The following COL21A1 variants were observed in gnomAD, a reference collection of about 807,000 sequenced individuals.
The protein encoded by COL21A1 is collagen type XXI alpha 1 chain, also known as collagen alpha-1(XXI) chain.
In COL21A1, 149 loss-of-function variants were observed where a neutral mutation model predicts 137.9. The observed-to-expected ratio is 1.08, with a 90% CI of 0.95 to 1.24. The LOEUF is 1.24. Ranked by LOEUF, COL21A1 falls within the 50% of genes most tolerant of loss-of-function variation. The pLI is 0.00. For missense variants in COL21A1, 1,167 were observed against 1,158.4 expected, an observed-to-expected ratio of 1.01 and a Z score of -0.11; for synonymous variants, 456 against 391.5, an observed-to-expected ratio of 1.16 and a Z score of -1.95.
At chr6:56,358,065 T>C (rs1351838002) in intron 1 of COL21A1, among the ~76,000 whole-genome samples, 1 of 152,206 alleles carries the variant, frequency 6.6e-6, no homozygotes, top group African/African-American at 2.4e-5. Context: ...TTTCAATATA[T>C]ATACAATGAC....
chr6:56,290,674 G>A (rs1305892560), intron 1 of COL21A1, among the ~76,000 whole-genome samples: 4 of 151,806 alleles, frequency 2.6e-5, no homozygotes, highest in Admixed American at 6.6e-5. Context: ...TAATTTTTTT[G>A]TATTTTTAGT....
chr6:56,168,770 C>A (rs1343633734), intron 5 of COL21A1, among the ~76,000 whole-genome samples: 1 of 151,936 alleles, frequency 6.6e-6, no homozygotes, highest in African/African-American at 2.4e-5. Context: ...CCTCAACCTA[C>A]CCTTTAATGA....
At chr6:56,132,952 C>A (rs943023235) in intron 12 of COL21A1, among the ~76,000 whole-genome samples, 2 of 152,188 alleles carry the variant, frequency 1.3e-5, no homozygotes, top group Non-Finnish European at 2.9e-5. Context: ...AACTGTCAGT[C>A]CATTAAACCT....
rs564924516 is a variant in COL21A1, at chr6:56,240,523, T to C, written c.-39+6864A>G. ...CCTCAATAGGAATCTTAGGAATAAA[T>C]AAACTCTACATTTCTCAGTAGACCA... is the stretch of plus-strand genomic sequence containing the variant. On this transcript the variant is annotated intron_variant, in intron 1 of 29. Transcript: ENST00000244728. Among the ~76,000 whole-genome samples, 4 of 152,306 alleles carry C rather than the reference T, an allele frequency of 2.6e-5. No homozygotes were observed. The South Asian group carries it at 8.3e-4, about 32-fold the overall frequency.
chr6:56,084,217 A>AAAAT (rs373441290), intron 17 of COL21A1, among the ~76,000 whole-genome samples: 8,960 of 148,702 alleles, frequency 0.06, 323 homozygotes, highest in Admixed American at 0.098. Flanking sequence ...ATGCAGAAAA[A>AAAAT]ATATATATAT....
intron 1 of COL21A1, among the ~76,000 whole-genome samples, chr6:56,200,550 A>G (rs1055833469): frequency 6.9e-6 from 1 of 145,418 alleles, no homozygotes; most frequent in African/African-American, 2.6e-5. Context: ...GAGAACATGC[A>G]GTGTTTGGTT....
chr6:56,231,670 C>CA (rs573604104), intron 1 of COL21A1, among the ~76,000 whole-genome samples: 5 of 151,578 alleles, frequency 3.3e-5, no homozygotes, highest in Admixed American at 1.3e-4. Flanking sequence ...TTCTAAGCTG[C>CA]AAAAAAAGTC....
chr6:56,220,308 A>G (rs986884420), intron 1 of COL21A1, among the ~76,000 whole-genome samples: 12 of 152,250 alleles, frequency 7.9e-5, no homozygotes, highest in Middle Eastern at 3.4e-3. Context: ...AAGCAGAGAA[A>G]ATAGCCTGGG....
intron 1 of COL21A1, among the ~76,000 whole-genome samples, chr6:56,356,331 G>C (rs1468960074): frequency 6.6e-6 from 1 of 152,086 alleles, no homozygotes; most frequent in Admixed American, 6.6e-5. Flanking sequence ...TTCCTGGTTG[G>C]GGGCGGGGAC....
intron 1 of COL21A1, among the ~76,000 whole-genome samples, chr6:56,337,970 T>C (rs1263806964): frequency 6.3e-5 from 7 of 110,416 alleles, no homozygotes; most frequent in East Asian, 2.4e-4. Flanking sequence ...TCTTTTTTTT[T>C]TTTTTTTTTT....
In COL21A1 at chr6:56,170,839, GGAGGAAGACCTTCTGGGAAAACATTGCTA is replaced by G. The variant is rs749423770; in HGVS notation, c.810-3_835del. The G allele has an allele frequency of 1.7e-5, 27 of 1,610,332 alleles. No homozygotes were observed. In the Admixed American group the frequency reaches 4.5e-4, roughly 27 times the overall value. On this transcript the variant is annotated splice_acceptor_variant and splice_polypyrimidine_tract_variant and coding_sequence_variant and intron_variant, in exon 5 of 30. Coordinates refer to ENST00000244728, the MANE Select transcript of COL21A1 (RefSeq NM_030820.4). LOFTEE classifies it high-confidence loss of function. ...TTGAGTAGACACAAATACATATGATGGAGGAAGACCTTCTGGGAAAACATTGCTAGAAAAAGAAGAGCAAGTGTAAGCTT... is the reference window on the plus strand; with the variant it reads ...TTGAGTAGACACAAATACATATGATGGAAAAAGAAGAGCAAGTGTAAGCTT...
intron 17 of COL21A1, among the ~76,000 whole-genome samples, chr6:56,096,334 T>C (rs1227802018): frequency 6.6e-6 from 1 of 152,114 alleles, no homozygotes; most frequent in African/African-American, 2.4e-5. Flanking sequence ...ATCTTCATAT[T>C]CTCCTCAATT....
chr6:56,134,772 C>T (rs1457791220), intron 12 of COL21A1, among the ~76,000 whole-genome samples: 2 of 152,114 alleles, frequency 1.3e-5, no homozygotes, highest in South Asian at 4.1e-4. Context: ...TGGGAGTTTC[C>T]CTGCACAAGC....
chr6:56,257,257 T>G (rs913154357), intron 1 of COL21A1, among the ~76,000 whole-genome samples: 2 of 152,222 alleles, frequency 1.3e-5, no homozygotes, highest in African/African-American at 4.8e-5. Flanking sequence ...GGCAGGGTAC[T>G]ATGGAGCTTA....
rs200025606 is a variant in COL21A1 at position 56,076,464 on chromosome 6, A to AT, written c.1858-933dup. ...AACAGAATTTAGAATTAGATATGAGATTTTTTTAAATTAAAAAAACAGAAT... is the reference window on the plus strand; with the variant it reads ...AACAGAATTTAGAATTAGATATGAGATTTTTTTTAAATTAAAAAAACAGAAT... On this transcript the variant is annotated intron_variant, in intron 18 of 29. Coordinates refer to ENST00000244728, the MANE Select transcript of COL21A1 (RefSeq NM_030820.4). Among the ~76,000 whole-genome samples, 1,427 of 148,254 alleles carry AT rather than the reference A, an allele frequency of 9.6e-3. 87 individuals are homozygous for AT. Among genetic ancestry groups the AT allele is most frequent in the Admixed American group, 0.088 (1,283 of 14,584 alleles).
chr6:56,372,475 G>T (rs1488745667), intron 1 of COL21A1, among the ~76,000 whole-genome samples: 1 of 152,088 alleles, frequency 6.6e-6, no homozygotes, highest in East Asian at 1.9e-4. Context: ...GTATTGGCAG[G>T]GAGAACTCTG....
intron 1 of COL21A1, among the ~76,000 whole-genome samples, chr6:56,289,008 T>G (rs532413391): frequency 1.6e-4 from 25 of 152,304 alleles, no homozygotes; most frequent in Non-Finnish European, 2.9e-4. Context: ...AAAATTGCCA[T>G]ATTATTTAAA....
At chr6:56,323,297 CT>C (rs1221792775) in intron 1 of COL21A1, among the ~76,000 whole-genome samples, 1 of 152,050 alleles carries the variant, frequency 6.6e-6, no homozygotes, top group Non-Finnish European at 1.5e-5. Flanking sequence ...ATATTGTTTT[CT>C]TGAAAAATCA....
intron 10 of COL21A1, among the ~76,000 whole-genome samples, chr6:56,146,974 A>G (rs566063940): frequency 1.3e-5 from 2 of 152,282 alleles, no homozygotes; most frequent in South Asian, 4.1e-4. Flanking sequence ...AATGAAAAAC[A>G]TTGCCTACCT....
Sources: gnomAD v4.1 joint callset for allele counts (sites outside exome capture counted in the v4.1 genomes callset) on GRCh38, gnomAD v4.1.1 for gene constraint, MANE v1.5 for transcripts, NCBI Gene and HGNC (gene_info 2026-07-23, HGNC 2026-07-21) for gene names.